Variants in UCN observed in about 807,000 individuals in gnomAD.
UCN encodes the protein prepro-urocortin.
A neutral mutation model predicts 6.5 loss-of-function variants in UCN; 5 were observed. The ratio of observed to expected loss-of-function variants is 0.77; its 90% confidence interval spans 0.40 to 1.62. UCN has a LOEUF of 1.62. Ranked by LOEUF, UCN falls within the 40% of genes most tolerant of loss-of-function variation. UCN has a pLI of 0.02. For synonymous variants in UCN, 95 were observed against 96.4 expected (o/e 0.99, Z 0.09); for missense variants, 195 against 188.8 (o/e 1.03, Z -0.19).
Position 27,307,855 on chromosome 2 carries a change from AGCAGCGCG to A in UCN, c.33_40del (p.Leu13ProfsTer75). ...CCCAGGGCACAGCTGTACCAGGAGCAGCAGCGCGGCCAGCAGCGCTGCGCGTCCCGCCT... is the reference window on the plus strand; with the variant it reads ...CCCAGGGCACAGCTGTACCAGGAGCAGCCAGCAGCGCTGCGCGTCCCGCCT... On this transcript the variant is annotated frameshift_variant, in exon 2 of 2. Coordinates refer to ENST00000296099, the MANE Select transcript of UCN (RefSeq NM_003353.4). LOFTEE classifies it high-confidence loss of function. This position sits in a 1 kb window ranked among gnomAD's most constrained non-coding sequence, Gnocchi z 6.9. 6.7e-7 allele frequency: 1 copy of A among 1,492,948 alleles called. No homozygotes were observed. The highest frequency in any genetic ancestry group is 8.9e-7 in the Non-Finnish European group (1 of 1,129,192). The allele number at this position is 1,492,948 out of a possible 1,614,324, so 92.5% of individuals were successfully genotyped here. A position where few individuals can be genotyped will look rare whatever the true frequency, so the allele number is the denominator to read the frequency against.
In UCN at chr2:27,307,743, G is replaced by T; in HGVS notation, c.153C>A (p.Ala51=). 1 of 1,510,396 alleles carries T rather than the reference G, an allele frequency of 6.6e-7. No individual in the cohort carries two copies. The highest frequency in any genetic ancestry group is 2.6e-5 in the East Asian group (1 of 38,096). The allele number at this position is 1,510,396 out of a possible 1,614,324, so 93.6% of individuals were successfully genotyped here. A position where few individuals can be genotyped will look rare whatever the true frequency, so the allele number is the denominator to read the frequency against. Reference sequence around the variant, plus strand: ...CCGCCAGCAGCAAGAGGAGCGCGCGGGCCCCGCCACCCTGGTTCCGTGCCC... The same window carrying T: ...CCGCCAGCAGCAAGAGGAGCGCGCGTGCCCCGCCACCCTGGTTCCGTGCCC... ...SPGARNQGGG[A]RALLLLLAER... The change falls in exon 2 of 2, where the codon GCC becomes GCA. Residue 51 remains alanine, a synonymous_variant. Coordinates refer to ENST00000296099, the MANE Select transcript of UCN (RefSeq NM_003353.4). This position sits in a 1 kb window ranked among gnomAD's most constrained non-coding sequence, Gnocchi z 6.9.
chr2:27,307,954 T>C lies in UCN; in HGVS notation c.-13-46A>G. On this transcript the variant is annotated intron_variant, in intron 1 of 1. Transcript: ENST00000296099. This position sits in a 1 kb window ranked among gnomAD's most constrained non-coding sequence, Gnocchi z 6.9. ...CAGGGTGAGGTGCGCCTGGGACAGC[T>C]GCAGGCCGCCGCTCCCCTCCCCGCG... 1 of 1,328,592 alleles carries C rather than the reference T, an allele frequency of 7.5e-7. No homozygotes were observed. Among genetic ancestry groups the C allele is most frequent in the South Asian group, 1.9e-5 (1 of 51,410 alleles). 82.3% of individuals were successfully genotyped at this position (1,328,592 alleles called of 1,614,324 possible). A position where few individuals can be genotyped will look rare whatever the true frequency, so the allele number is the denominator to read the frequency against.
Sources: allele counts gnomAD v4.1 joint callset, GRCh38; gene constraint gnomAD v4.1.1; non-coding constraint Gnocchi (gnomAD v3.1); transcripts MANE v1.5; gene names NCBI Gene and HGNC (gene_info 2026-07-23, HGNC 2026-07-21).